Variants in ACYP2 observed in about 807,000 individuals in gnomAD.
The protein encoded by ACYP2 is acylphosphatase 2.
ACYP2 carries 12 observed loss-of-function variants against 11.2 expected under a neutral mutation model. The observed-to-expected ratio is 1.08, with a 90% CI of 0.69 to 1.74. ACYP2 has a LOEUF of 1.74. Ranked by LOEUF, ACYP2 falls within the 40% of genes most tolerant of loss-of-function variation. The probability of loss-of-function intolerance (pLI) is 0.00; values close to 1 mark genes in which losing one functional copy is unlikely to be tolerated. For synonymous variants in ACYP2, 43 were observed against 32.2 expected, an observed-to-expected ratio of 1.33 and a Z score of -1.13; for missense variants, 134 against 101.9, an observed-to-expected ratio of 1.31 and a Z score of -1.35.
intron 2 of ACYP2, among the ~76,000 whole-genome samples, chr2:54,005,020 T>A (rs1356145175): frequency 6.6e-6 from 1 of 152,140 alleles, no homozygotes; most frequent in Non-Finnish European, 1.5e-5. Context: ...GTGTGGCTTG[T>A]CTTCTCACTC....
intron 4 of ACYP2, among the ~76,000 whole-genome samples, chr2:54,061,406 G>A (rs1028283339): frequency 1.3e-5 from 2 of 152,196 alleles, no homozygotes; most frequent in Admixed American, 6.5e-5. Flanking sequence ...TGACCACAGA[G>A]GTGGACACGT....
intron 6 of ACYP2, among the ~76,000 whole-genome samples, chr2:54,264,409 C>T (rs79342821): frequency 0.013 from 2,032 of 152,268 alleles, 48 homozygotes; most frequent in African/African-American, 0.047. Context: ...TGTTTACAAT[C>T]CTCTAGCTAG....
At chr2:54,283,674 A>C (rs951041983) in intron 6 of ACYP2, among the ~76,000 whole-genome samples, 3 of 152,236 alleles carry the variant, frequency 2.0e-5, no homozygotes, top group African/African-American at 7.2e-5. Context: ...ATATTTTAAC[A>C]TTTGTAATTA....
chr2:54,029,781 G>C, intron 2 of ACYP2: 2 of 589,492 alleles, frequency 3.4e-6, no homozygotes, highest in Non-Finnish European at 6.4e-6. Context: ...GGCTCTTCCA[G>C]TTTAGCCATG....
At chr2:54,260,888 C>T (rs965087880) in intron 6 of ACYP2, among the ~76,000 whole-genome samples, 1 of 151,836 alleles carries the variant, frequency 6.6e-6, no homozygotes, top group Non-Finnish European at 1.5e-5. Context: ...AGCTAAAAAA[C>T]ATGAGAAATG....
chr2:53,977,395 C>T (rs528021962), intron 2 of ACYP2, among the ~76,000 whole-genome samples: 1 of 152,138 alleles, frequency 6.6e-6, no homozygotes, highest in South Asian at 2.1e-4. Flanking sequence ...CAGTATTTTA[C>T]TTCCAACTCC....
At chr2:54,015,645 T>TCACACACACACACACACACACACA (rs4027206) in intron 2 of ACYP2, among the ~76,000 whole-genome samples, 2 of 130,484 alleles carry the variant, frequency 1.5e-5, no homozygotes, top group African/African-American at 6.2e-5. Flanking sequence ...TGAGACCCCG[T>TCACACACACACACACACACACACA]CACACACACA....
intron 6 of ACYP2, among the ~76,000 whole-genome samples, chr2:54,165,272 C>T (rs1388131991): frequency 6.6e-6 from 1 of 152,076 alleles, no homozygotes; most frequent in Non-Finnish European, 1.5e-5. Context: ...CTCACATTTA[C>T]CTTTTTGGTT....
chr2:54,254,983 G>C (rs374685019), intron 6 of ACYP2: 1 of 1,613,994 alleles, frequency 6.2e-7, no homozygotes, highest in Non-Finnish European at 8.5e-7. Flanking sequence ...GCGACGTCTA[G>C]CTCTATGGGC....
intron 4 of ACYP2, among the ~76,000 whole-genome samples, chr2:54,131,708 C>G (rs536519736): frequency 6.6e-6 from 1 of 152,258 alleles, no homozygotes; most frequent in African/African-American, 2.4e-5. Flanking sequence ...TGGTACCCTA[C>G]GAGATTTTAA....
At chr2:54,075,723 G>C (rs897891383) in intron 4 of ACYP2, among the ~76,000 whole-genome samples, 1 of 151,848 alleles carries the variant, frequency 6.6e-6, no homozygotes. Flanking sequence ...TGAGACAGGA[G>C]AATCACCTGA....
At chr2:54,231,326 C>T (rs776198437) in intron 6 of ACYP2, among the ~76,000 whole-genome samples, 1 of 152,014 alleles carries the variant, frequency 6.6e-6, no homozygotes, top group Non-Finnish European at 1.5e-5. Flanking sequence ...CTCTTTTCGT[C>T]AATATTATGA....
At chr2:53,985,174 A>G (rs1208391227) in intron 2 of ACYP2, among the ~76,000 whole-genome samples, 1 of 149,280 alleles carries the variant, frequency 6.7e-6, no homozygotes, top group Non-Finnish European at 1.5e-5. Flanking sequence ...GGTTCCCACC[A>G]TTCTCCTGCC....
intron 6 of ACYP2, among the ~76,000 whole-genome samples, chr2:54,236,358 C>T (rs148666368): frequency 9.2e-5 from 14 of 152,268 alleles, no homozygotes; most frequent in African/African-American, 1.7e-4. Flanking sequence ...AAACTTTACT[C>T]GTAGAATAGT....
Position 54,135,419 on chromosome 2 carries a change from A to G in ACYP2, c.278-34A>G, listed in dbSNP as rs775120308. On this transcript the variant is annotated intron_variant, in intron 4 of 6. Coordinates refer to ENST00000607452, the MANE Select transcript of ACYP2 (RefSeq NM_001320586.2). ...ACATATAACCTTTTAAAGGAGGACA[A>G]GCTGACAATTCTTTTTATCTTTCTT... The G allele has an allele frequency of 4.4e-6, 7 of 1,601,128 alleles. No individual in the cohort carries two copies. In the East Asian group the frequency reaches 9.0e-5, roughly 20 times the overall value.
At chr2:54,003,396 A>G (rs1022821440) in intron 2 of ACYP2, among the ~76,000 whole-genome samples, 1 of 152,160 alleles carries the variant, frequency 6.6e-6, no homozygotes, top group African/African-American at 2.4e-5. Flanking sequence ...AGTAGCTGGG[A>G]TTACAGGCAT....
intron 4 of ACYP2, among the ~76,000 whole-genome samples, chr2:54,125,605 C>G (rs182180447): frequency 4.6e-5 from 7 of 151,830 alleles, no homozygotes; most frequent in African/African-American, 1.4e-4. Flanking sequence ...CAAAACTTAG[C>G]TGGAGATGGT....
intron 6 of ACYP2, among the ~76,000 whole-genome samples, chr2:54,291,732 T>C (rs1318726256): frequency 2.6e-5 from 4 of 152,220 alleles, no homozygotes; most frequent in Non-Finnish European, 5.9e-5. Flanking sequence ...ATTCTGGTGG[T>C]GCCTTCCTGA....
At position 54,188,613 on chromosome 2, in the gene ACYP2, G is replaced by A. The variant is rs180799509; in HGVS notation, c.404+49865G>A. ...TAGAATTTTTTATGTAGTACTTTTC[G>A]TATTATAAGATGAACATACATTTCT... On this transcript the variant is annotated intron_variant, in intron 6 of 6. Coordinates refer to ENST00000607452, the MANE Select transcript of ACYP2 (RefSeq NM_001320586.2). 3.3e-3 allele frequency among the ~76,000 whole-genome samples: 501 copies of A among 152,076 alleles called. 2 individuals carry two copies. The highest frequency in any genetic ancestry group is 0.027 in the Middle Eastern group (8 of 294).
Sources: allele counts gnomAD v4.1 joint callset (sites outside exome capture counted in the v4.1 genomes callset), GRCh38; gene constraint gnomAD v4.1.1; transcripts MANE v1.5; gene names NCBI Gene and HGNC (gene_info 2026-07-23, HGNC 2026-07-21).